ANXA4: variants seen among roughly 807,000 people sequenced by gnomAD.
The protein encoded by ANXA4 is 35-beta calcimedin.
A neutral mutation model predicts 49.8 loss-of-function variants in ANXA4; 39 were observed. The ratio of observed to expected loss-of-function variants is 0.78; its 90% CI spans 0.61 to 1.02. The LOEUF (loss-of-function observed/expected upper bound fraction) is 1.02, where lower values mean the gene tolerates loss of function less well. Ranked by LOEUF, ANXA4 falls within the 50% of genes least tolerant of loss-of-function variation. The probability of loss-of-function intolerance (pLI) is 0.00; values close to 1 mark genes in which losing one functional copy is unlikely to be tolerated. For synonymous variants in ANXA4, 134 were observed against 152.5 expected (o/e 0.88, Z 0.89); for missense variants, 360 against 410.1 (o/e 0.88, Z 1.05).
intron 1 of ANXA4, among the ~76,000 whole-genome samples, chr2:69,769,239 T>G (rs1221833392): frequency 6.7e-6 from 1 of 150,286 alleles, no homozygotes; most frequent in African/African-American, 2.4e-5. Flanking sequence ...ACTATCAACA[T>G]GTGGGACCCA....
At chr2:69,730,169 A>G (rs1371002691) in intron 3 of ANXA4, among the ~76,000 whole-genome samples, 2 of 151,818 alleles carry the variant, frequency 1.3e-5, no homozygotes, top group African/African-American at 4.8e-5. Flanking sequence ...GTGAGACCGC[A>G]CCTCTACTTT....
intron 1 of ANXA4, among the ~76,000 whole-genome samples, chr2:69,746,582 C>A (rs1041946548): frequency 1.3e-5 from 2 of 152,098 alleles, no homozygotes; most frequent in Non-Finnish European, 2.9e-5. Flanking sequence ...TTTGTTTGAA[C>A]TGGACTGAGA....
At chr2:69,770,269 AG>A (rs1671655134) in intron 1 of ANXA4, among the ~76,000 whole-genome samples, 1 of 152,248 alleles carries the variant, frequency 6.6e-6, no homozygotes, top group Admixed American at 6.5e-5. Flanking sequence ...GAAAAAAAGA[AG>A]GAAAAAAAGA....
At chr2:69,720,512 A>G (rs1669788100) in intron 2 of ANXA4, among the ~76,000 whole-genome samples, 1 of 152,192 alleles carries the variant, frequency 6.6e-6, no homozygotes, top group African/African-American at 2.4e-5. Flanking sequence ...GGGATGCAGC[A>G]TGAAGGACCT....
chr2:69,810,534 G>A lies in ANXA4; in HGVS notation c.398-60G>A, dbSNP rs566291767. 1.6e-5 allele frequency: 23 copies of A among 1,403,616 alleles called. No individual in the cohort carries two copies. The Admixed American group carries it at 2.9e-4, about 17-fold the overall frequency. The allele number at this position is 1,403,616 out of a possible 1,614,324, so 86.9% of individuals were successfully genotyped here. On this transcript the variant is annotated intron_variant, in intron 6 of 12. Coordinates refer to ENST00000394295, the MANE Select transcript of ANXA4 (RefSeq NM_001153.5). ...TTGAGGGGACAGATTGCTCTGGAGT[G>A]TGACAGGGCATTGGGCAAGACTCTT...
rs1673368751 is a variant in ANXA4, at chr2:69,804,756, G to A, written c.192+129G>A. On this transcript the variant is annotated intron_variant, in intron 4 of 12. Coordinates refer to ENST00000394295, the MANE Select transcript of ANXA4 (RefSeq NM_001153.5). ...TCGATCCTTTGTCTTGTTTAAAGAT[G>A]TTCTTGAGGCCAGGTGTGGTGGGTC... 7 of 826,066 alleles carry A rather than the reference G, an allele frequency of 8.5e-6. No homozygotes were observed. In the East Asian group the frequency reaches 1.9e-4, roughly 23 times the overall value. The allele number at this position is 826,066 out of a possible 1,614,324, so 51.2% of individuals were successfully genotyped here. A position where few individuals can be genotyped will look rare whatever the true frequency, so the allele number is the denominator to read the frequency against.
intron 2 of ANXA4, among the ~76,000 whole-genome samples, chr2:69,680,046 A>G (rs142912538): frequency 6.6e-6 from 1 of 152,310 alleles, no homozygotes; most frequent in East Asian, 1.9e-4. Flanking sequence ...GTAAAAAATG[A>G]CATTGGTCTT....
intron 1 of ANXA4, among the ~76,000 whole-genome samples, chr2:69,753,201 A>G (rs1282974853): frequency 6.6e-6 from 1 of 152,204 alleles, no homozygotes; most frequent in Non-Finnish European, 1.5e-5. Context: ...TGCCTAGTAT[A>G]TGATAGGGGC....
chr2:69,793,044 G>C (rs541069694), intron 3 of ANXA4, among the ~76,000 whole-genome samples: 3 of 151,406 alleles, frequency 2.0e-5, no homozygotes, highest in East Asian at 3.9e-4. Flanking sequence ...ACGAGGTCAG[G>C]AGATCGAGAC....
At chr2:69,674,693 A>C (rs1303169694) in intron 2 of ANXA4, among the ~76,000 whole-genome samples, 1 of 152,148 alleles carries the variant, frequency 6.6e-6, no homozygotes, top group Non-Finnish European at 1.5e-5. Context: ...TTAAGATTCA[A>C]ATTGGGTAAG....
intron 4 of ANXA4, among the ~76,000 whole-genome samples, chr2:69,805,001 C>T (rs1248052155): frequency 7.8e-6 from 1 of 127,638 alleles, no homozygotes; most frequent in Non-Finnish European, 1.6e-5. Flanking sequence ...GAGCCAAGAT[C>T]ATGCCACTTC....
intron 3 of ANXA4, among the ~76,000 whole-genome samples, chr2:69,722,109 T>TA (rs1192082033): frequency 1.3e-5 from 2 of 152,340 alleles, no homozygotes; most frequent in African/African-American, 4.8e-5. Context: ...TTCATGGATG[T>TA]AAAATATTGT....
intron 3 of ANXA4, among the ~76,000 whole-genome samples, chr2:69,731,654 T>A (rs576805181): frequency 2.6e-5 from 4 of 152,174 alleles, no homozygotes; most frequent in Non-Finnish European, 5.9e-5. Context: ...AGATGTTTTT[T>A]AAAAAGCCAA....
At chr2:69,678,389 C>CTTT (rs150952411) in intron 2 of ANXA4, among the ~76,000 whole-genome samples, 68 of 78,338 alleles carry the variant, frequency 8.7e-4, no homozygotes, top group Middle Eastern at 0.01. Context: ...CTTTTCTTTT[C>CTTT]TTTTTTTTTT....
At chr2:69,757,121 G>A (rs1298160409) in intron 1 of ANXA4, among the ~76,000 whole-genome samples, 2 of 148,540 alleles carry the variant, frequency 1.3e-5, no homozygotes, top group African/African-American at 4.9e-5. Flanking sequence ...TAGAGACGGG[G>A]TTTCACCATG....
At chr2:69,760,407 T>G (rs2105522030) in intron 1 of ANXA4, among the ~76,000 whole-genome samples, 1 of 152,308 alleles carries the variant, frequency 6.6e-6, no homozygotes, top group African/African-American at 2.4e-5. Context: ...GCCCTTGATG[T>G]GATGAGTATG....
At chr2:69,671,729 T>C (rs565876503) in intron 2 of ANXA4, among the ~76,000 whole-genome samples, 1 of 151,870 alleles carries the variant, frequency 6.6e-6, no homozygotes, top group East Asian at 1.9e-4. Context: ...TCTCAAAAAA[T>C]ATATATATAT....
chr2:69,754,330 A>G (rs955972782), intron 1 of ANXA4, among the ~76,000 whole-genome samples: 5 of 152,204 alleles, frequency 3.3e-5, no homozygotes, highest in Admixed American at 1.3e-4. Flanking sequence ...TCAGACATCA[A>G]TAGTTTGAGT....
intron 2 of ANXA4, among the ~76,000 whole-genome samples, chr2:69,716,435 A>C (rs1559105227): frequency 6.6e-6 from 1 of 152,276 alleles, no homozygotes; most frequent in East Asian, 1.9e-4. Context: ...CAGCAGCTGC[A>C]CTCGAGGAAC....
Sources: allele counts gnomAD v4.1 joint callset (sites outside exome capture counted in the v4.1 genomes callset), GRCh38; gene constraint gnomAD v4.1.1; transcripts MANE v1.5; gene names NCBI Gene and HGNC (gene_info 2026-07-23, HGNC 2026-07-21).